Variants in PLA2G6 observed in about 807,000 individuals in gnomAD.
PLA2G6 encodes the protein phospholipase A2 group VI.
Under a neutral mutation model 83.8 loss-of-function variants are expected in PLA2G6, and 62 were observed. The ratio of observed to expected loss-of-function variants is 0.74; its 90% CI spans 0.60 to 0.91. The LOEUF is 0.91. Among genes scored for constraint, PLA2G6 ranks in the 40% least tolerant of loss-of-function variants. The probability of loss-of-function intolerance (pLI) is 0.00; values close to 1 mark genes in which losing one functional copy is unlikely to be tolerated. For missense variants in PLA2G6, 944 were observed against 1,102.0 expected, an observed-to-expected ratio of 0.86 and a Z score of 2.03; for synonymous variants, 417 against 449.8, an observed-to-expected ratio of 0.93 and a Z score of 0.92.
intron 4 of PLA2G6, chr22:38,141,455 G>T (rs2088897825): frequency 6.6e-6 from 1 of 152,312 alleles, no homozygotes. Flanking sequence ...TGTGACACCA[G>T]GGTCACCTCA....
chr22:38,150,766 G>C (rs1262260735), intron 2 of PLA2G6, among the ~76,000 whole-genome samples: 1 of 152,192 alleles, frequency 6.6e-6, no homozygotes, highest in African/African-American at 2.4e-5. Context: ...AGAGATAATG[G>C]AATGACTTCC....
Position 38,112,594 on chromosome 22 carries a change from T to C in PLA2G6, c.2203-17A>G, listed in dbSNP as rs560320315. 1 of 1,547,100 alleles carries C rather than the reference T, an allele frequency of 6.5e-7. No individual in the cohort carries two copies. The highest frequency in any genetic ancestry group is 1.2e-5 in the South Asian group (1 of 84,094). On this transcript the variant is annotated splice_polypyrimidine_tract_variant and intron_variant, in intron 15 of 16. Transcript: ENST00000332509. The stretch of plus-strand genomic sequence containing the variant: ...ATCCGTGCACTGGTGAGAAGCAGCC[T>C]TGGTGAGTGCCGGGCCCACACCCCG...
chr22:38,140,201 T>C (rs746771610), intron 4 of PLA2G6, 32 bp from the exon 5 acceptor site: 22 of 1,604,960 alleles, frequency 1.4e-5, no homozygotes, highest in Admixed American at 5.0e-5. Flanking sequence ...TTTGACTCCA[T>C]AGGATGCTGA....
chr22:38,147,000 T>TA (rs1454350390), intron 2 of PLA2G6: 1 of 152,122 alleles, frequency 6.6e-6, no homozygotes, highest in Non-Finnish European at 1.5e-5. Context: ...AGGCTGATCT[T>TA]AAACTCCTGG....
chr22:38,139,933 A>T lies in PLA2G6; in HGVS notation c.797+49T>A, dbSNP rs563227492. The T allele has an allele frequency of 5.5e-6, 8 of 1,442,576 alleles. No individual in the cohort carries two copies. The South Asian group carries it at 6.1e-5, about 11-fold the overall frequency. 89.4% of individuals were successfully genotyped at this position (1,442,576 alleles called of 1,614,324 possible). ...CCTCAGGCACGGGACAGGTGACAGG[A>T]GAGCTGGAGCCCAGCAGGCCAGCAG... On this transcript the variant is annotated intron_variant, in intron 5 of 16. Coordinates refer to ENST00000332509, the MANE Select transcript of PLA2G6 (RefSeq NM_003560.4).
chr22:38,113,426 A>T, intron 15 of PLA2G6, 61 bp downstream of exon 15: 1 of 1,518,214 alleles, frequency 6.6e-7, no homozygotes, highest in Non-Finnish European at 9.1e-7. Context: ...GATGAGGGGA[A>T]GCCATCGACC....
At chr22:38,129,355 C>G in intron 8 of PLA2G6, 99 bp downstream of exon 8, 2 of 858,840 alleles carry the variant, frequency 2.3e-6, no homozygotes, top group Non-Finnish European at 4.0e-6. Context: ...CGGGTCAGCA[C>G]AGGATGCTGG....
At chr22:38,146,080 G>A in intron 2 of PLA2G6, 1 of 269,162 alleles carries the variant, frequency 3.7e-6, no homozygotes, top group Non-Finnish European at 7.3e-6. Context: ...TTGTCACCCA[G>A]GCTGGAGTGC....
intron 12 of PLA2G6, 32 bp from the exon 13 acceptor site, chr22:38,116,243 G>A: frequency 6.2e-7 from 1 of 1,612,898 alleles, no homozygotes. Flanking sequence ...GGACGGCTGA[G>A]CCACCCGCCC....
intron 14 of PLA2G6, 74 bp from the exon 15 acceptor site, chr22:38,113,728 G>A (rs1350593465): frequency 2.8e-6 from 4 of 1,406,008 alleles, no homozygotes; most frequent in Non-Finnish European, 4.0e-6. Flanking sequence ...GCGTCAAGGG[G>A]AGGCCCAAGA....
intron 12 of PLA2G6, among the ~76,000 whole-genome samples, chr22:38,116,745 G>C (rs917058500): frequency 2.6e-5 from 4 of 151,436 alleles, no homozygotes; most frequent in South Asian, 2.1e-4. Flanking sequence ...CAGCTACTTG[G>C]GAGGCTGAAG....
intron 2 of PLA2G6, among the ~76,000 whole-genome samples, chr22:38,165,682 G>A (rs1008420376): frequency 6.6e-5 from 10 of 152,152 alleles, no homozygotes; most frequent in Admixed American, 4.6e-4. Context: ...GACCATCCTG[G>A]CTAAGAGTAG....
At chr22:38,126,640 G>A (rs910241656) in intron 9 of PLA2G6, 191 bp from the exon 10 acceptor site, 1 of 620,154 alleles carries the variant, frequency 1.6e-6, no homozygotes. Flanking sequence ...ACAGGCCACA[G>A]GAGAGAAATG....
intron 1 of PLA2G6, among the ~76,000 whole-genome samples, chr22:38,177,544 C>T (rs1052711188): frequency 2.0e-5 from 3 of 150,576 alleles, no homozygotes; most frequent in Non-Finnish European, 2.9e-5. Flanking sequence ...CTCACTGCAA[C>T]CTCTGCCTCC....
At chr22:38,170,195 CAAAAAAAA>C (rs132990) in intron 1 of PLA2G6, among the ~76,000 whole-genome samples, 1 of 75,484 alleles carries the variant, frequency 1.3e-5, no homozygotes. Flanking sequence ...GACTCTGTCT[CAAAAAAAA>C]AAAAAAAAAA....
intron 2 of PLA2G6, among the ~76,000 whole-genome samples, chr22:38,153,184 C>G (rs149877314): frequency 1.1e-4 from 17 of 152,338 alleles, no homozygotes; most frequent in Admixed American, 2.6e-4. Context: ...GTAATCCCAG[C>G]ACTTTGGGAG....
chr22:38,116,723 T>C (rs1448826596), intron 12 of PLA2G6, among the ~76,000 whole-genome samples: 5 of 151,824 alleles, frequency 3.3e-5, no homozygotes. Flanking sequence ...TGGTTGCGCA[T>C]GCCTGTAATC....
At chr22:38,126,666 G>A (rs2087879904) in intron 9 of PLA2G6, 1 of 577,420 alleles carries the variant, frequency 1.7e-6, no homozygotes, top group Non-Finnish European at 3.2e-6. Flanking sequence ...GAGTGGAAAG[G>A]GGGGCCCACT....
chr22:38,129,215 C>T (rs1179349133), intron 8 of PLA2G6, among the ~76,000 whole-genome samples: 4 of 152,226 alleles, frequency 2.6e-5, no homozygotes, highest in South Asian at 2.1e-4. Context: ...AGGTGGGGGG[C>T]GCTGCACGGG....
Sources: gnomAD v4.1 joint callset for allele counts (sites outside exome capture counted in the v4.1 genomes callset) on GRCh38, gnomAD v4.1.1 for gene constraint, MANE v1.5 for transcripts, NCBI Gene and HGNC (gene_info 2026-07-23, HGNC 2026-07-21) for gene names.